Variants in ANKRD6 observed in about 807,000 individuals in gnomAD.
ANKRD6 encodes the protein ankyrin repeat domain 6, also known as ankyrin repeat domain-containing protein 6.
ANKRD6 carries 56 observed loss-of-function variants against 82.3 expected under a neutral mutation model. That is an observed-to-expected ratio of 0.68 (90% CI 0.55 to 0.85). ANKRD6 has a LOEUF of 0.85. Ranked by LOEUF, ANKRD6 falls within the 40% of genes least tolerant of loss-of-function variation. The pLI is 0.00. For synonymous variants in ANKRD6, 347 were observed against 352.1 expected, an observed-to-expected ratio of 0.99 and a Z score of 0.16; for missense variants, 852 against 907.6, an observed-to-expected ratio of 0.94 and a Z score of 0.79.
intron 1 of ANKRD6, among the ~76,000 whole-genome samples, chr6:89,494,026 A>T (rs1778324669): frequency 6.6e-6 from 1 of 152,160 alleles, no homozygotes; most frequent in Admixed American, 6.5e-5. Context: ...GCACTAGGGT[A>T]GAGAGATTGG....
At chr6:89,498,931 T>C (rs1778950569) in intron 1 of ANKRD6, among the ~76,000 whole-genome samples, 1 of 152,188 alleles carries the variant, frequency 6.6e-6, no homozygotes, top group Non-Finnish European at 1.5e-5. Flanking sequence ...GAGGTTGGCT[T>C]TCTCAGGGCC....
At chr6:89,579,510 C>G (rs1033728393) in intron 2 of ANKRD6, among the ~76,000 whole-genome samples, 1 of 152,066 alleles carries the variant, frequency 6.6e-6, no homozygotes, top group African/African-American at 2.4e-5. Context: ...GTGGCTCATG[C>G]CTGTAATCCC....
intron 1 of ANKRD6, among the ~76,000 whole-genome samples, chr6:89,530,017 G>C (rs1782945612): frequency 6.6e-6 from 1 of 152,174 alleles, no homozygotes; most frequent in Admixed American, 6.5e-5. Context: ...ACTTGGGGAG[G>C]CCGAGGTGGG....
rs188594862 is a variant in ANKRD6 at position 89,584,152 on chromosome 6, C to T, written c.121-11764C>T. On this transcript the variant is annotated intron_variant, in intron 2 of 15. Transcript: ENST00000339746. ...CAGCTGGGTGTCAGCGTTTAAAAATCCTCCCTAAATACCTGTACCTTTCCT... is the reference window on the plus strand; with the variant it reads ...CAGCTGGGTGTCAGCGTTTAAAAATTCTCCCTAAATACCTGTACCTTTCCT... 1.4e-3 allele frequency among the ~76,000 whole-genome samples: 208 copies of T among 152,324 alleles called. 1 individual carries two copies. Among genetic ancestry groups the T allele is most frequent in the African/African-American group, 4.9e-3 (202 of 41,572 alleles).
At chr6:89,448,634 C>T (rs1052991113) in intron 1 of ANKRD6, among the ~76,000 whole-genome samples, 1 of 152,092 alleles carries the variant, frequency 6.6e-6, no homozygotes, top group Admixed American at 6.5e-5. Context: ...CCCAAGAGCT[C>T]TGATGGCATT....
chr6:89,631,451 G>C lies in ANKRD6; in HGVS notation c.*447G>C, dbSNP rs188040672. ...GCTGTGCCTAGACAAGTGTCTTTCT[G>C]TAAGAGCTGTAACTCTGAGATGTGC... is the stretch of plus-strand genomic sequence containing the variant. On this transcript the variant is annotated 3_prime_UTR_variant, in exon 16 of 16. Transcript: ENST00000339746. 1.2e-3 allele frequency: 188 copies of C among 153,286 alleles called. 2 individuals are homozygous for C. Among genetic ancestry groups the C allele is most frequent in the African/African-American group, 4.4e-3 (183 of 41,588 alleles). The allele number at this position is 153,286 out of a possible 1,614,324, so 9.5% of individuals were successfully genotyped here.
chr6:89,487,958 T>C (rs531247750), intron 1 of ANKRD6, among the ~76,000 whole-genome samples: 1 of 152,392 alleles, frequency 6.6e-6, no homozygotes, highest in South Asian at 2.1e-4. Context: ...TATTTACTTT[T>C]ACTTTTCCAC....
chr6:89,505,453 C>T (rs1779731524), intron 1 of ANKRD6, among the ~76,000 whole-genome samples: 1 of 152,202 alleles, frequency 6.6e-6, no homozygotes, highest in Non-Finnish European at 1.5e-5. Flanking sequence ...CTCAGAGCAA[C>T]TCCCAGAAGA....
chr6:89,456,026 A>G (rs929890383), intron 1 of ANKRD6, among the ~76,000 whole-genome samples: 1 of 152,132 alleles, frequency 6.6e-6, no homozygotes, highest in Non-Finnish European at 1.5e-5. Context: ...GGCACATGCC[A>G]TCATGCCTGA....
intron 1 of ANKRD6, among the ~76,000 whole-genome samples, chr6:89,444,248 C>G (rs1217757760): frequency 1.3e-5 from 2 of 152,176 alleles, no homozygotes; most frequent in South Asian, 2.1e-4. Flanking sequence ...CTTACTGAAG[C>G]CTTTGTTTTC....
intron 2 of ANKRD6, among the ~76,000 whole-genome samples, chr6:89,589,471 C>T (rs1327260885): frequency 5.9e-5 from 9 of 152,198 alleles, no homozygotes; most frequent in African/African-American, 1.7e-4. Flanking sequence ...CCTCCACTTC[C>T]TTTCAGGGTT....
rs143493835 is a variant in ANKRD6 at position 89,442,019 on chromosome 6, G to C, written c.-144+8644G>C. 6.7e-4 allele frequency among the ~76,000 whole-genome samples: 102 copies of C among 151,284 alleles called. No homozygotes were observed. In the East Asian group the frequency reaches 0.014, roughly 20 times the overall value. ...TATTTTTATTTTTTTATTTTTTTGA[G>C]ACAGGGTCTCACTCTGTCGCCCAGG... On this transcript the variant is annotated intron_variant, in intron 1 of 15. Transcript: ENST00000339746.
intron 1 of ANKRD6, among the ~76,000 whole-genome samples, chr6:89,471,037 C>CTG (rs149725424): frequency 9.2e-5 from 14 of 151,664 alleles, no homozygotes; most frequent in Admixed American, 3.9e-4. Flanking sequence ...AAGTTAACGC[C>CTG]TGTGTGTGTG....
intron 14 of ANKRD6, 100 bp from the exon 15 acceptor site, chr6:89,629,012 A>G (rs1469352504): frequency 7.5e-7 from 1 of 1,342,120 alleles, no homozygotes; most frequent in African/African-American, 1.5e-5. Flanking sequence ...AACTGTTATA[A>G]TTGAAAAGTC....
intron 1 of ANKRD6, among the ~76,000 whole-genome samples, chr6:89,540,330 A>G (rs1784316698): frequency 6.6e-6 from 1 of 152,056 alleles, no homozygotes. Flanking sequence ...AGCCATTTTA[A>G]CTGGGGTGAG....
rs367638809 is a variant in ANKRD6 at position 89,536,937 on chromosome 6, G to A, written c.-143-29897G>A. Among the ~76,000 whole-genome samples the A allele has an allele frequency of 1.6e-4, 25 of 152,274 alleles. 1 individual carries two copies. The South Asian group carries it at 3.7e-3, about 23-fold the overall frequency. ...ACCTTTGGTTTTTTGTAAACCTCCC[G>A]AGGGGTCCTGGGATTGCAGGTGTAA... On this transcript the variant is annotated intron_variant, in intron 1 of 15. Transcript: ENST00000339746.
intron 2 of ANKRD6, 43 bp downstream of exon 2, chr6:89,567,139 G>A (rs758873676): frequency 4.5e-6 from 7 of 1,553,468 alleles, no homozygotes; most frequent in Non-Finnish European, 6.1e-6. Flanking sequence ...CTGGGAACTG[G>A]CCTACCTCTT....
At chr6:89,558,913 A>AG (rs1413492459) in intron 1 of ANKRD6, among the ~76,000 whole-genome samples, 2 of 152,224 alleles carry the variant, frequency 1.3e-5, no homozygotes, top group Non-Finnish European at 2.9e-5. Context: ...GAAGATAAAA[A>AG]GGAGAGGAAA....
chr6:89,518,723 G>A (rs1202071312), intron 1 of ANKRD6, among the ~76,000 whole-genome samples: 1 of 151,932 alleles, frequency 6.6e-6, no homozygotes, highest in Admixed American at 6.6e-5. Flanking sequence ...TGTGTTGAGA[G>A]AGGTGGCTCC....
Sources: gnomAD v4.1 joint callset for allele counts (sites outside exome capture counted in the v4.1 genomes callset) on GRCh38, gnomAD v4.1.1 for gene constraint, MANE v1.5 for transcripts, NCBI Gene and HGNC (gene_info 2026-07-23, HGNC 2026-07-21) for gene names.